Variants in TSHZ2 observed in about 807,000 individuals in gnomAD.
The protein encoded by TSHZ2 is teashirt homolog 2.
A neutral mutation model predicts 74.4 loss-of-function variants in TSHZ2; 21 were observed. The observed-to-expected ratio is 0.28, with a 90% CI of 0.20 to 0.41. The LOEUF is 0.41. TSHZ2 is among the 10% of genes least tolerant of loss of function. The probability of loss-of-function intolerance (pLI) is 1.00; values close to 1 mark genes in which losing one functional copy is unlikely to be tolerated. For synonymous variants in TSHZ2, 540 were observed against 515.3 expected (o/e 1.05, Z -0.65); for missense variants, 1,244 against 1,293.5 (o/e 0.96, Z 0.59).
chr20:53,482,927 A>G (rs1047877530), intron 2 of TSHZ2, among the ~76,000 whole-genome samples: 2 of 152,140 alleles, frequency 1.3e-5, no homozygotes, highest in Admixed American at 6.5e-5. Context: ...AAAAAGAAAA[A>G]GAAATAATTT....
At chr20:53,291,910 A>G (rs1991285058) in intron 2 of TSHZ2, among the ~76,000 whole-genome samples, 1 of 152,066 alleles carries the variant, frequency 6.6e-6, no homozygotes, top group African/African-American at 2.4e-5. Context: ...TTATTGGGAT[A>G]CTGACACCAT....
chr20:53,312,001 AGCCCAGGAAGTTGAG>A (rs1978811413), intron 2 of TSHZ2, among the ~76,000 whole-genome samples: 1 of 152,108 alleles, frequency 6.6e-6, no homozygotes, highest in Non-Finnish European at 1.5e-5. Context: ...GGATCATTTG[AGCCCAGGAAGTTGAG>A]GCTGCAGTGA....
intron 1 of TSHZ2, among the ~76,000 whole-genome samples, chr20:53,160,159 C>T (rs1043039233): frequency 6.7e-6 from 1 of 149,588 alleles, no homozygotes; most frequent in Non-Finnish European, 1.5e-5. Flanking sequence ...AGGAGGGGCA[C>T]ATGGGAGAGA....
chr20:52,976,942 G>C (rs1341984879), intron 1 of TSHZ2, among the ~76,000 whole-genome samples: 1 of 152,182 alleles, frequency 6.6e-6, no homozygotes. Flanking sequence ...ATTTAATATG[G>C]AGATGAATAA....
chr20:53,447,348 C>G (rs1451102705), intron 2 of TSHZ2, among the ~76,000 whole-genome samples: 5 of 152,230 alleles, frequency 3.3e-5, no homozygotes, highest in African/African-American at 1.2e-4. Flanking sequence ...GGAAATGTGT[C>G]TGATTGCTCT....
At chr20:53,065,579 C>T (rs962926516) in intron 1 of TSHZ2, among the ~76,000 whole-genome samples, 9 of 152,180 alleles carry the variant, frequency 5.9e-5, no homozygotes, top group African/African-American at 2.2e-4. Context: ...AGTCGGGACC[C>T]AGGCAGATCG....
intron 1 of TSHZ2, among the ~76,000 whole-genome samples, chr20:53,163,319 G>C (rs761218344): frequency 1.9e-4 from 26 of 137,610 alleles, no homozygotes; most frequent in Non-Finnish European, 3.2e-4. Context: ...GTTATAAAAA[G>C]ATGGTGGCTT....
At chr20:53,025,115 A>C (rs1017255401) in intron 1 of TSHZ2, among the ~76,000 whole-genome samples, 1 of 151,718 alleles carries the variant, frequency 6.6e-6, no homozygotes, top group Admixed American at 6.6e-5. Context: ...TTAGATATAA[A>C]AATTAAGTTT....
intron 1 of TSHZ2, among the ~76,000 whole-genome samples, chr20:53,198,890 T>C (rs1223358778): frequency 1.3e-5 from 2 of 152,174 alleles, no homozygotes; most frequent in African/African-American, 4.8e-5. Flanking sequence ...TTAATGACAC[T>C]AGAAAATAAG....
chr20:53,322,429 C>T (rs931297794), intron 2 of TSHZ2, among the ~76,000 whole-genome samples: 3 of 151,926 alleles, frequency 2.0e-5, no homozygotes, highest in South Asian at 2.1e-4. Context: ...AGGAGAATTG[C>T]TTGAACTCAA....
At chr20:53,193,084 G>C (rs927535881) in intron 1 of TSHZ2, among the ~76,000 whole-genome samples, 4 of 150,454 alleles carry the variant, frequency 2.7e-5, no homozygotes, top group Non-Finnish European at 4.4e-5. Context: ...CCAAAACAGA[G>C]TATGGTAACC....
chr20:53,031,141 A>T (rs753360430), intron 1 of TSHZ2, among the ~76,000 whole-genome samples: 5 of 152,156 alleles, frequency 3.3e-5, no homozygotes, highest in Non-Finnish European at 7.3e-5. Flanking sequence ...TGCCTGTTTA[A>T]TGCTTTTGCT....
At chr20:53,431,579 G>C (rs1983851878) in intron 2 of TSHZ2, among the ~76,000 whole-genome samples, 1 of 152,102 alleles carries the variant, frequency 6.6e-6, no homozygotes, top group African/African-American at 2.4e-5. Flanking sequence ...TACTGTTTTA[G>C]GCTCTTTACC....
intron 2 of TSHZ2, among the ~76,000 whole-genome samples, chr20:53,338,430 C>T (rs1211981166): frequency 6.6e-6 from 1 of 152,212 alleles, no homozygotes; most frequent in Non-Finnish European, 1.5e-5. Flanking sequence ...TTAGTATTCT[C>T]TCTTCCAAAA....
chr20:53,222,182 A>T (rs1477138470), intron 1 of TSHZ2, among the ~76,000 whole-genome samples: 1 of 151,980 alleles, frequency 6.6e-6, no homozygotes, highest in Non-Finnish European at 1.5e-5. Context: ...CCAGCAGTCC[A>T]CTCTACCCCT....
At chr20:53,432,950 A>G (rs973091891) in intron 2 of TSHZ2, among the ~76,000 whole-genome samples, 1 of 152,222 alleles carries the variant, frequency 6.6e-6, no homozygotes, top group Non-Finnish European at 1.5e-5. Context: ...TGACATCTGG[A>G]TTAGAAGATG....
intron 1 of TSHZ2, among the ~76,000 whole-genome samples, chr20:53,024,070 G>A (rs1269928189): frequency 6.6e-6 from 1 of 151,364 alleles, no homozygotes; most frequent in Non-Finnish European, 1.5e-5. Context: ...AGTGTGGGTG[G>A]GAAGGAGAAA....
rs574463183 is a variant in TSHZ2, at chr20:53,379,848, T to C, written c.*9-107296T>C. On this transcript the variant is annotated intron_variant, in intron 2 of 2. Transcript: ENST00000371497. ...TATCTGTGATTAAAACCCTCTTTCT[T>C]CCAAAGACTTTATGATCTTACCATA... is the stretch of plus-strand genomic sequence containing the variant. 2.0e-5 allele frequency among the ~76,000 whole-genome samples: 3 copies of C among 152,272 alleles called. No individual in the cohort carries two copies. In the East Asian group the frequency reaches 5.8e-4, roughly 29 times the overall value.
intron 1 of TSHZ2, among the ~76,000 whole-genome samples, chr20:53,016,312 C>T (rs767928648): frequency 1.3e-4 from 20 of 152,164 alleles, no homozygotes; most frequent in Non-Finnish European, 2.4e-4. Flanking sequence ...TCTATCACTG[C>T]CATAACTTCC....
Sources: gnomAD v4.1 joint callset for allele counts (sites outside exome capture counted in the v4.1 genomes callset) on GRCh38, gnomAD v4.1.1 for gene constraint, MANE v1.5 for transcripts, NCBI Gene and HGNC (gene_info 2026-07-23, HGNC 2026-07-21) for gene names.